Variants in S100PBP observed in about 807,000 individuals in gnomAD.
The protein encoded by S100PBP is S100P binding protein.
A neutral mutation model predicts 39.9 loss-of-function variants in S100PBP; 15 were observed. The observed-to-expected ratio is 0.38, with a 90% CI of 0.25 to 0.58. S100PBP has a LOEUF of 0.58. S100PBP is among the 20% of genes least tolerant of loss of function. S100PBP has a pLI of 0.70. For synonymous variants in S100PBP, 178 were observed against 180.3 expected, an observed-to-expected ratio of 0.99 and a Z score of 0.10; for missense variants, 504 against 487.3, an observed-to-expected ratio of 1.03 and a Z score of -0.32.
chr1:32,845,827 G>A (rs1358301482), intron 5 of S100PBP, among the ~76,000 whole-genome samples: 1 of 151,750 alleles, frequency 6.6e-6, no homozygotes. Flanking sequence ...ACAGGTGTGT[G>A]CCGCCAAGCC....
chr1:32,853,174 G>A lies in S100PBP; in HGVS notation c.1112+8G>A. Reference sequence around the variant, plus strand: ...TTCGGACCTCACCACGCGGTGAGTGGGTGATTAGAAGAAGATGGAAAAGGG... The same window carrying A: ...TTCGGACCTCACCACGCGGTGAGTGAGTGATTAGAAGAAGATGGAAAAGGG... On this transcript the variant is annotated splice_region_variant and intron_variant, in intron 6 of 6. Transcript: ENST00000373475. 6.3e-7 allele frequency: 1 copy of A among 1,588,948 alleles called. No homozygotes were observed. Among genetic ancestry groups the A allele is most frequent in the South Asian group, 1.1e-5 (1 of 90,496 alleles).
chr1:32,842,240 C>T (rs1023208753), intron 5 of S100PBP, among the ~76,000 whole-genome samples: 930 of 34,900 alleles, frequency 0.027, 5 homozygotes, highest in Non-Finnish European at 0.045. Context: ...TATATATACA[C>T]ACACACACAC....
At chr1:32,822,852 T>C (rs1363249978) in intron 1 of S100PBP, among the ~76,000 whole-genome samples, 1 of 152,144 alleles carries the variant, frequency 6.6e-6, no homozygotes, top group Non-Finnish European at 1.5e-5. Context: ...AGGATATTGG[T>C]CCTATTAAGG....
intron 5 of S100PBP, among the ~76,000 whole-genome samples, chr1:32,849,226 C>T (rs1640510733): frequency 6.6e-6 from 1 of 151,720 alleles, no homozygotes; most frequent in African/African-American, 2.4e-5. Flanking sequence ...CTCACTGCAG[C>T]CTCCACCTCA....
rs374220615 is a variant in S100PBP at position 32,853,023 on chromosome 1, G to A, written c.1025-56G>A. ...TTTCCCTGAAAACACATACTTTGAC[G>A]TTGGCTGACGTAGTTCACTCAGCTG... is the stretch of plus-strand genomic sequence containing the variant. On this transcript the variant is annotated intron_variant, in intron 5 of 6. Coordinates refer to ENST00000373475, the MANE Select transcript of S100PBP (RefSeq NM_022753.4). 77 of 1,197,270 alleles carry A rather than the reference G, an allele frequency of 6.4e-5. No homozygotes were observed. The African/African-American group carries it at 1.0e-3, about 16-fold the overall frequency. The allele number at this position is 1,197,270 out of a possible 1,614,324, so 74.2% of individuals were successfully genotyped here. A position where few individuals can be genotyped will look rare whatever the true frequency, so the allele number is the denominator to read the frequency against.
intron 1 of S100PBP, among the ~76,000 whole-genome samples, chr1:32,820,094 A>G (rs895136659): frequency 5.4e-5 from 8 of 148,036 alleles, no homozygotes; most frequent in Admixed American, 2.7e-4. Flanking sequence ...AGCAGGGTCT[A>G]GGGGAAATTC....
chr1:32,842,236 T>TATATAGAC (rs372174677), intron 5 of S100PBP, among the ~76,000 whole-genome samples: 1 of 80,876 alleles, frequency 1.2e-5, no homozygotes, highest in East Asian at 3.9e-4. Flanking sequence ...TATATATATA[T>TATATAGAC]ACACACACAC....
chr1:32,852,989 T>G (rs543881812), intron 5 of S100PBP, 90 bp from the exon 6 acceptor site: 2 of 843,224 alleles, frequency 2.4e-6, no homozygotes, highest in Admixed American at 3.7e-5. Context: ...GAACAGTGCC[T>G]GTTTTCTCTT....
Position 32,830,083 on chromosome 1 carries a change from G to T in S100PBP, c.1024+16G>T. On this transcript the variant is annotated intron_variant, in intron 5 of 6. Transcript: ENST00000373475. ...ACTAACCAAGGTAACATGGTACCCA[G>T]AGAAAGGCATATAAAACATGTGATG... The T allele has an allele frequency of 6.8e-7, 1 of 1,466,606 alleles. No individual in the cohort carries two copies. The highest frequency in any genetic ancestry group is 9.5e-7 in the Non-Finnish European group (1 of 1,047,186). 90.8% of individuals were successfully genotyped at this position (1,466,606 alleles called of 1,614,324 possible). A position where few individuals can be genotyped will look rare whatever the true frequency, so the allele number is the denominator to read the frequency against.
At chr1:32,822,541 C>G (rs779225959) in intron 1 of S100PBP, among the ~76,000 whole-genome samples, 1 of 146,884 alleles carries the variant, frequency 6.8e-6, no homozygotes, top group Admixed American at 7.1e-5. Flanking sequence ...GGTGTGAACC[C>G]GGGAGGCAGA....
chr1:32,847,810 C>A (rs1377359949), intron 5 of S100PBP: 1 of 151,858 alleles, frequency 6.6e-6, no homozygotes, highest in Non-Finnish European at 1.5e-5. Flanking sequence ...AGCCCATGTC[C>A]CCTGTAGCAC....
intron 1 of S100PBP, among the ~76,000 whole-genome samples, chr1:32,822,838 A>T (rs927333982): frequency 2.0e-5 from 3 of 152,134 alleles, no homozygotes; most frequent in African/African-American, 4.8e-5. Flanking sequence ...TGCAATGGTT[A>T]CGAAGGATAT....
chr1:32,820,668 C>T (rs1386915937), intron 1 of S100PBP: 1 of 152,024 alleles, frequency 6.6e-6, no homozygotes, highest in Non-Finnish European at 1.5e-5. Flanking sequence ...TTCCCATTGA[C>T]TTCATAATTT....
rs560046705 is a variant in S100PBP, at chr1:32,846,290, C to G, written c.1025-6789C>G. ...AGGCATGAGCCACCACGCCTGCCCTCCTTAATTTACTTTTATGTTTAAAGT... is the reference window on the plus strand; with the variant it reads ...AGGCATGAGCCACCACGCCTGCCCTGCTTAATTTACTTTTATGTTTAAAGT... On this transcript the variant is annotated intron_variant, in intron 5 of 6. Coordinates refer to ENST00000373475, the MANE Select transcript of S100PBP (RefSeq NM_022753.4). Among the ~76,000 whole-genome samples the G allele has an allele frequency of 3.0e-4, 46 of 151,862 alleles. No individual in the cohort carries two copies. In the South Asian group the frequency reaches 9.6e-3, roughly 32 times the overall value.
At chr1:32,847,485 C>T (rs906164289) in intron 5 of S100PBP, 1 of 151,432 alleles carries the variant, frequency 6.6e-6, no homozygotes, top group Non-Finnish European at 1.5e-5. Context: ...TTCATCTTAG[C>T]TACAAGTGGA....
intron 5 of S100PBP, chr1:32,835,705 TTA>T (rs1639786486): frequency 6.6e-6 from 1 of 152,182 alleles, no homozygotes; most frequent in Non-Finnish European, 1.5e-5. Context: ...TCTTCAAGAT[TTA>T]CCCATTGTGG....
Position 32,853,152 on chromosome 1 carries a change from G to T in S100PBP, c.1098G>T (p.Ser366=), listed in dbSNP as rs570431925. The change falls in exon 6 of 7, where the codon TCG becomes TCT. Residue 366 remains serine, a synonymous_variant. Coordinates refer to ENST00000373475, the MANE Select transcript of S100PBP (RefSeq NM_022753.4). ...AGCACTCAAAATGGCAGCATCCTTC[G>T]GACCTCACCACGCGGTGAGTGGGTG... The part of the protein sequence containing the change: ...HMQHSKWQHP[S]DLTTRNYARR... 1.6e-5 allele frequency: 26 copies of T among 1,611,168 alleles called. No homozygotes were observed. The highest frequency in any genetic ancestry group is 1.8e-4 in the Middle Eastern group (1 of 5,706).
At chr1:32,824,234 C>G (rs1269783016) in intron 1 of S100PBP, among the ~76,000 whole-genome samples, 1 of 150,246 alleles carries the variant, frequency 6.7e-6, no homozygotes, top group East Asian at 1.9e-4. Flanking sequence ...AATGCATGAA[C>G]TAAAGTTAAA....
chr1:32,829,384 C>T (rs573826329), intron 4 of S100PBP, among the ~76,000 whole-genome samples: 1 of 152,262 alleles, frequency 6.6e-6, no homozygotes, highest in East Asian at 1.9e-4. Flanking sequence ...AATACTTTCT[C>T]TAGGGACTAG....
Sources: gnomAD v4.1 joint callset for allele counts (sites outside exome capture counted in the v4.1 genomes callset) on GRCh38, gnomAD v4.1.1 for gene constraint, MANE v1.5 for transcripts, NCBI Gene and HGNC (gene_info 2026-07-23, HGNC 2026-07-21) for gene names.